The following TPST2 variants were observed in gnomAD, a reference collection of about 807,000 sequenced individuals.
TPST2 encodes tyrosylprotein sulfotransferase 2.
In TPST2, 16 loss-of-function variants were observed where a neutral mutation model predicts 27.8. That is an observed-to-expected ratio of 0.58 (90% CI 0.39 to 0.88). TPST2 has a LOEUF of 0.88. TPST2 is among the 40% of genes least tolerant of loss of function. The pLI is 0.00. For missense variants in TPST2, 464 were observed against 543.1 expected, an observed-to-expected ratio of 0.85 and a Z score of 1.45; for synonymous variants, 229 against 231.7, an observed-to-expected ratio of 0.99 and a Z score of 0.10.
chr22:26,587,376 A>G lies in TPST2; in HGVS notation c.-161+2677T>C, dbSNP rs533852215. Among the ~76,000 whole-genome samples the G allele has an allele frequency of 2.0e-5, 3 of 152,212 alleles. No homozygotes were observed. The East Asian group carries it at 5.8e-4, about 29-fold the overall frequency. Reference sequence around the variant, plus strand: ...TATTTTCACAGAGTCTTGCTCTGTCACTTAGACCGGAGTGCAGTGGTGTGA... The same window carrying G: ...TATTTTCACAGAGTCTTGCTCTGTCGCTTAGACCGGAGTGCAGTGGTGTGA... On this transcript the variant is annotated intron_variant, in intron 1 of 6. Coordinates refer to ENST00000338754, the MANE Select transcript of TPST2 (RefSeq NM_003595.5).
At chr22:26,526,568 A>T (rs9613196) in intron 6 of TPST2, among the ~76,000 whole-genome samples, 7,004 of 152,320 alleles carry the variant, frequency 0.046, 210 homozygotes, top group Non-Finnish European at 0.069. Context: ...AGAAGGACTC[A>T]TGTTTGTTCA....
intron 1 of TPST2, among the ~76,000 whole-genome samples, chr22:26,559,538 C>T (rs566012430): frequency 1.3e-5 from 2 of 152,304 alleles, no homozygotes; most frequent in East Asian, 1.9e-4. Context: ...CGTACCCTTA[C>T]GTATCAAACT....
chr22:26,561,648 T>C (rs1927103221), intron 1 of TPST2, among the ~76,000 whole-genome samples: 1 of 152,220 alleles, frequency 6.6e-6, no homozygotes, highest in Non-Finnish European at 1.5e-5. Flanking sequence ...AAGCACTTAG[T>C]TCCACACCTA....
rs1926293750 is a variant in TPST2, at chr22:26,549,005, TC to T, written c.-160-4331del. On this transcript the variant is annotated intron_variant, in intron 1 of 6. Coordinates refer to ENST00000338754, the MANE Select transcript of TPST2 (RefSeq NM_003595.5). ...AATCTGAAATCCAAAACCTTTCTAG[TC>T]CCAAGAATTTCAGATAAAGGGATAC... Among the ~76,000 whole-genome samples, 4 of 152,194 alleles carry T rather than the reference TC, an allele frequency of 2.6e-5. No individual in the cohort carries two copies. In the South Asian group the frequency reaches 8.3e-4, roughly 32 times the overall value.
intron 1 of TPST2, among the ~76,000 whole-genome samples, chr22:26,575,221 T>A (rs561980442): frequency 1.3e-5 from 2 of 152,208 alleles, no homozygotes; most frequent in African/African-American, 4.8e-5. Flanking sequence ...ACCTAGGAAG[T>A]CCTTAGCAGA....
intron 1 of TPST2, among the ~76,000 whole-genome samples, chr22:26,575,194 G>A (rs990899669): frequency 2.6e-5 from 4 of 152,152 alleles, no homozygotes; most frequent in Admixed American, 1.3e-4. Flanking sequence ...CTTCCCTGGA[G>A]GTTGAGATGA....
At chr22:26,589,068 C>T (rs1479309522) in intron 1 of TPST2, among the ~76,000 whole-genome samples, 2 of 152,054 alleles carry the variant, frequency 1.3e-5, no homozygotes, top group Admixed American at 6.5e-5. Flanking sequence ...GTTCAACAGC[C>T]CGCCTCCTCA....
intron 3 of TPST2, among the ~76,000 whole-genome samples, chr22:26,540,502 G>A (rs957228357): frequency 6.6e-6 from 1 of 152,230 alleles, no homozygotes; most frequent in South Asian, 2.1e-4. Flanking sequence ...AGGAAGATGA[G>A]GTGGGAGGAT....
chr22:26,557,094 C>T (rs770612706), intron 1 of TPST2, among the ~76,000 whole-genome samples: 21 of 152,232 alleles, frequency 1.4e-4, no homozygotes, highest in Non-Finnish European at 2.5e-4. Flanking sequence ...ATAAAAGAAC[C>T]ATGGCTCCTC....
chr22:26,546,195 C>T (rs1421100830), intron 1 of TPST2, among the ~76,000 whole-genome samples: 2 of 152,212 alleles, frequency 1.3e-5, no homozygotes, highest in South Asian at 2.1e-4. Context: ...TATTCACTCA[C>T]TCCTTTTCTC....
At chr22:26,546,051 T>G (rs1602267900) in intron 1 of TPST2, among the ~76,000 whole-genome samples, 1 of 140,342 alleles carries the variant, frequency 7.1e-6, no homozygotes, top group Admixed American at 7.8e-5. Context: ...CACTACAGTC[T>G]GGGCAACAGA....
chr22:26,551,658 G>A (rs539535618), intron 1 of TPST2, among the ~76,000 whole-genome samples: 5 of 152,192 alleles, frequency 3.3e-5, no homozygotes, highest in African/African-American at 1.2e-4. Flanking sequence ...GACTAGCCAG[G>A]GGTGGGGACT....
intron 1 of TPST2, among the ~76,000 whole-genome samples, chr22:26,564,437 G>A (rs746596077): frequency 3.9e-5 from 6 of 152,200 alleles, no homozygotes; most frequent in Non-Finnish European, 7.3e-5. Context: ...TGGGGACAGC[G>A]CAAGCCTTGC....
At chr22:26,583,895 G>T (rs984051226) in intron 1 of TPST2, among the ~76,000 whole-genome samples, 2 of 152,202 alleles carry the variant, frequency 1.3e-5, no homozygotes. Context: ...GTGGCACGAG[G>T]CAGGCCTAAG....
At position 26,524,611 on chromosome 22, in the gene TPST2, A is replaced by C. The variant is rs1185006572; in HGVS notation, c.*1664T>G. ...ACAGCCAGTAGGTCAGCCTGACTCCAAAAACCCATGCCCCAAGCCACAATA... is the reference window on the plus strand; with the variant it reads ...ACAGCCAGTAGGTCAGCCTGACTCCCAAAACCCATGCCCCAAGCCACAATA... On this transcript the variant is annotated 3_prime_UTR_variant, in exon 7 of 7. Transcript: ENST00000338754. 6.6e-6 allele frequency: 1 copy of C among 152,276 alleles called. No individual in the cohort carries two copies. Among genetic ancestry groups the C allele is most frequent in the Non-Finnish European group, 1.5e-5 (1 of 68,086 alleles). The allele number at this position is 152,276 out of a possible 1,614,324, so 9.4% of individuals were successfully genotyped here.
chr22:26,550,039 C>CAAA (rs113296696), intron 1 of TPST2, among the ~76,000 whole-genome samples: 221 of 140,198 alleles, frequency 1.6e-3, no homozygotes, highest in African/African-American at 2.9e-3. Context: ...GACTCCATCT[C>CAAA]AAAAAAAAAA....
At chr22:26,540,297 A>T (rs1925720645) in intron 3 of TPST2, among the ~76,000 whole-genome samples, 2 of 152,150 alleles carry the variant, frequency 1.3e-5, no homozygotes, top group African/African-American at 2.4e-5. Context: ...TACAAAGCAT[A>T]TTCAAAGTTT....
chr22:26,566,848 T>C (rs1927401888), intron 1 of TPST2, among the ~76,000 whole-genome samples: 1 of 152,154 alleles, frequency 6.6e-6, no homozygotes. Context: ...CCCGCTCATA[T>C]CGTATTGTAA....
chr22:26,573,027 G>A (rs529273615), intron 1 of TPST2, among the ~76,000 whole-genome samples: 1 of 152,202 alleles, frequency 6.6e-6, no homozygotes, highest in South Asian at 2.1e-4. Flanking sequence ...CTGTGAATCG[G>A]GAGAGCAGCT....
Sources: allele counts gnomAD v4.1 joint callset (sites outside exome capture counted in the v4.1 genomes callset), GRCh38; gene constraint gnomAD v4.1.1; transcripts MANE v1.5; gene names NCBI Gene and HGNC (gene_info 2026-07-23, HGNC 2026-07-21).